The following C12orf60 variants were observed in gnomAD, a reference collection of about 807,000 sequenced individuals.
The protein encoded by C12orf60 is chromosome 12 open reading frame 60.
For synonymous variants in C12orf60, 102 were observed against 94.6 expected (o/e 1.08, Z -0.45); for missense variants, 284 against 283.2 (o/e 1.00, Z -0.02).
intron 1 of C12orf60, chr12:14,806,046 G>A (rs1555175072): frequency 6.2e-7 from 1 of 1,614,046 alleles, no homozygotes; most frequent in East Asian, 2.2e-5. Flanking sequence ...CTCAGTAATG[G>A]CATGATTATA....
At chr12:14,817,018 C>T (rs1452139246) in intron 1 of C12orf60, among the ~76,000 whole-genome samples, 1 of 152,102 alleles carries the variant, frequency 6.6e-6, no homozygotes, top group South Asian at 2.1e-4. Flanking sequence ...GTTGGGATTA[C>T]ACTAAAATAA....
At chr12:14,822,083 A>G in intron 1 of C12orf60, among the ~76,000 whole-genome samples, 1 of 107,670 alleles carries the variant, frequency 9.3e-6, no homozygotes, top group Non-Finnish European at 1.8e-5. Flanking sequence ...AAGTGTTTGG[A>G]GCTGCCTCTG....
intron 1 of C12orf60, among the ~76,000 whole-genome samples, chr12:14,807,373 C>T (rs952011553): frequency 6.6e-6 from 1 of 152,178 alleles, no homozygotes; most frequent in African/African-American, 2.4e-5. Context: ...ATTACTAGTG[C>T]TCCTTAGTTT....
chr12:14,823,895 T>C lies in C12orf60; in HGVS notation c.*222T>C. ...ATGTCAGTCACTAAGAAGAATATAT[T>C]GTTGAAAAAAACAAAGTGGTATTAC... On this transcript the variant is annotated 3_prime_UTR_variant, in exon 2 of 2. Coordinates refer to ENST00000330828, the MANE Select transcript of C12orf60 (RefSeq NM_175874.4). 2 of 357,150 alleles carry C rather than the reference T, an allele frequency of 5.6e-6. No homozygotes were observed. Among genetic ancestry groups the C allele is most frequent in the Non-Finnish European group, 1.0e-5 (2 of 196,630 alleles). 22.1% of individuals were successfully genotyped at this position (357,150 alleles called of 1,614,324 possible).
In C12orf60 at chr12:14,823,637, G is replaced by A. The variant is rs149647403; in HGVS notation, c.702G>A (p.Met234Ile). 1 of 1,584,034 alleles carries A rather than the reference G, an allele frequency of 6.3e-7. No individual in the cohort carries two copies. Among genetic ancestry groups the A allele is most frequent in the Admixed American group, 1.9e-5 (1 of 52,954 alleles). ...AAAAAGCGATAAAGACTATGGAAATGAATATTTCTGTGTTTAAGAAAGCCA... is the reference window on the plus strand; with the variant it reads ...AAAAAGCGATAAAGACTATGGAAATAAATATTTCTGTGTTTAAGAAAGCCA... ...ILQKAIKTME[M>I]NISVFKKASD... The change falls in exon 2 of 2, where the codon ATG becomes ATA. Residue 234 changes from methionine (M) to isoleucine (I), a missense_variant. Transcript: ENST00000330828.
intron 1 of C12orf60, among the ~76,000 whole-genome samples, chr12:14,818,164 A>G (rs1950252194): frequency 6.6e-6 from 1 of 152,090 alleles, no homozygotes; most frequent in Admixed American, 6.6e-5. Context: ...TCCTTTGCCC[A>G]TTTTTTGATA....
At chr12:14,814,083 A>T (rs1950182246) in intron 1 of C12orf60, 1 of 152,224 alleles carries the variant, frequency 6.6e-6, no homozygotes, top group Admixed American at 6.5e-5. Context: ...ACTGAGAAAC[A>T]GAGTATTATA....
rs1191974497 is a variant in C12orf60, at chr12:14,823,362, T to C, written c.427T>C (p.Leu143=). Residue 143 remains leucine (L), a synonymous_variant, in exon 2 of 2, where the codon TTG becomes CTG. Coordinates refer to ENST00000330828, the MANE Select transcript of C12orf60 (RefSeq NM_175874.4). ...LGSLESSLSH[L]MKFPIMNLQL... ...GAGTCTGGAATCTTCTCTTTCACAC[T>C]TGATGAAATTCCCCATCATGAATCT... 1 of 1,614,100 alleles carries C rather than the reference T, an allele frequency of 6.2e-7. No individual in the cohort carries two copies. The highest frequency in any genetic ancestry group is 8.5e-7 in the Non-Finnish European group (1 of 1,179,984).
intron 1 of C12orf60, among the ~76,000 whole-genome samples, chr12:14,810,061 A>C (rs1950112545): frequency 6.6e-6 from 1 of 152,174 alleles, no homozygotes; most frequent in Non-Finnish European, 1.5e-5. Context: ...TCCAATAACG[A>C]GTTTGGCTAA....
chr12:14,811,624 G>A (rs1950139584), intron 1 of C12orf60, among the ~76,000 whole-genome samples: 1 of 152,150 alleles, frequency 6.6e-6, no homozygotes, highest in Non-Finnish European at 1.5e-5. Flanking sequence ...AGATTAAAGG[G>A]CATCTAAGAT....
chr12:14,806,558 C>T (rs1950054332), intron 1 of C12orf60: 22 of 1,614,164 alleles, frequency 1.4e-5, no homozygotes, highest in Non-Finnish European at 1.9e-5. Context: ...TATTTAGAAC[C>T]TCAGTCAGCT....
At chr12:14,817,365 C>A (rs906461785) in intron 1 of C12orf60, among the ~76,000 whole-genome samples, 1 of 151,890 alleles carries the variant, frequency 6.6e-6, no homozygotes, top group Non-Finnish European at 1.5e-5. Context: ...TTATTTATTT[C>A]TTCCAAAACA....
intron 1 of C12orf60, 86 bp downstream of exon 1, chr12:14,803,837 G>T (rs1200943892): frequency 1.5e-5 from 3 of 199,282 alleles, no homozygotes; most frequent in Non-Finnish European, 3.0e-5. Flanking sequence ...CTTAGTTTTT[G>T]CATTTTTCTG....
At chr12:14,818,209 T>C (rs984745421) in intron 1 of C12orf60, among the ~76,000 whole-genome samples, 1 of 152,224 alleles carries the variant, frequency 6.6e-6, no homozygotes, top group Non-Finnish European at 1.5e-5. Context: ...TTGTAAATTC[T>C]AGATATTAGA....
At chr12:14,806,697 C>T (rs1950057752) in intron 1 of C12orf60, 1 of 1,557,268 alleles carries the variant, frequency 6.4e-7, no homozygotes, top group Non-Finnish European at 8.6e-7. Context: ...AATATGATCG[C>T]TGAAAAATAA....
At chr12:14,806,957 G>A (rs1276866829) in intron 1 of C12orf60, among the ~76,000 whole-genome samples, 1 of 152,084 alleles carries the variant, frequency 6.6e-6, no homozygotes, top group East Asian at 1.9e-4. Flanking sequence ...TCAGCCTCCC[G>A]AGTAGCTGGG....
In C12orf60 at chr12:14,823,168, A is replaced by G. The variant is rs1023832446; in HGVS notation, c.233A>G (p.His78Arg). The stretch of plus-strand genomic sequence containing the variant: ...ATGCAATCTGTAGTGGATGCAAGAC[A>G]TGACAAAATTCAAAAGGAGTCTTTA... ...KEMQSVVDARHDKIQKESLCS... is the reference protein window; with the variant it reads ...KEMQSVVDARRDKIQKESLCS... Residue 78 changes from histidine (H) to arginine (R), a missense_variant, in exon 2 of 2, where the codon CAT (histidine) becomes CGT (arginine). By Grantham distance (29) the His-to-Arg change is conservative (BLOSUM62 0). Transcript: ENST00000330828. 1 of 1,614,220 alleles carries G rather than the reference A, an allele frequency of 6.2e-7. No homozygotes were observed. Among genetic ancestry groups the G allele is most frequent in the Non-Finnish European group, 8.5e-7 (1 of 1,180,034 alleles).
chr12:14,822,808 C>A, intron 1 of C12orf60, 104 bp from the exon 2 acceptor site: 1 of 966,170 alleles, frequency 1.0e-6, no homozygotes, highest in Non-Finnish European at 1.5e-6. Context: ...CTTTCCTGCC[C>A]TTGGCAGGGG....
intron 1 of C12orf60, among the ~76,000 whole-genome samples, chr12:14,812,414 G>T (rs1164191873): frequency 3.9e-5 from 6 of 152,036 alleles, no homozygotes; most frequent in Non-Finnish European, 8.8e-5. Flanking sequence ...ACTGCACGCC[G>T]GCCTGGGTGA....
Sources: allele counts gnomAD v4.1 joint callset (sites outside exome capture counted in the v4.1 genomes callset), GRCh38; gene constraint gnomAD v4.1.1; transcripts MANE v1.5; gene names NCBI Gene and HGNC (gene_info 2026-07-23, HGNC 2026-07-21).